The following USP31 variants were observed in gnomAD, a reference collection of about 807,000 sequenced individuals.
USP31 encodes the protein ubiquitin specific peptidase 31, also known as ubiquitin carboxyl-terminal hydrolase 31.
A neutral mutation model predicts 119.4 loss-of-function variants in USP31; 44 were observed. The ratio of observed to expected loss-of-function variants is 0.37; its 90% CI spans 0.29 to 0.47. The LOEUF is 0.47. Among genes scored for constraint, USP31 ranks in the 20% least tolerant of loss-of-function variants. The pLI, the probability that USP31 is intolerant of heterozygous loss-of-function variation, is 0.99. For synonymous variants in USP31, 749 were observed against 705.6 expected (o/e 1.06, Z -0.97); for missense variants, 1,643 against 1,730.2 (o/e 0.95, Z 0.89).
chr16:23,125,313 A>G (rs1902816627), intron 1 of USP31, among the ~76,000 whole-genome samples: 1 of 152,188 alleles, frequency 6.6e-6, no homozygotes, highest in South Asian at 2.1e-4. Context: ...ATAGGCTCAC[A>G]GATTTTCAAA....
At position 23,084,777 on chromosome 16, in the gene USP31, G is replaced by T. The variant is rs747985340; in HGVS notation, c.1830+83C>A. 5.1e-6 allele frequency: 8 copies of T among 1,563,916 alleles called. No homozygotes were observed. In the East Asian group the frequency reaches 1.6e-4, roughly 31 times the overall value. ...AAAATCCTGCGGCGACTTCTGGGGC[G>T]TGATTTGTTTCTCCACTATCACCTT... On this transcript the variant is annotated intron_variant, in intron 11 of 15. Coordinates refer to ENST00000219689, the MANE Select transcript of USP31 (RefSeq NM_020718.4).
chr16:23,142,098 CAAT>C (rs777019145), intron 1 of USP31, among the ~76,000 whole-genome samples: 12 of 152,292 alleles, frequency 7.9e-5, no homozygotes, highest in Non-Finnish European at 1.8e-4. Context: ...CCTAAACTAA[CAAT>C]AACTGTGCAG....
At chr16:23,095,679 A>C (rs565114204) in intron 6 of USP31, among the ~76,000 whole-genome samples, 1 of 152,278 alleles carries the variant, frequency 6.6e-6, no homozygotes, top group East Asian at 1.9e-4. Flanking sequence ...CCAGAAGAGA[A>C]TGGGGCCAAT....
intron 6 of USP31, among the ~76,000 whole-genome samples, chr16:23,099,847 TG>T (rs1309811204): frequency 6.6e-6 from 1 of 152,068 alleles, no homozygotes; most frequent in African/African-American, 2.4e-5. Context: ...AAGCAAACAA[TG>T]CAATTTTAAG....
chr16:23,100,434 C>T (rs949603375), intron 6 of USP31, among the ~76,000 whole-genome samples: 1 of 152,122 alleles, frequency 6.6e-6, no homozygotes, highest in East Asian at 1.9e-4. Context: ...TTTTATTATT[C>T]CATTTATATA....
intron 14 of USP31, 195 bp from the exon 15 acceptor site, chr16:23,072,392 A>C: frequency 1.4e-6 from 1 of 698,050 alleles, no homozygotes; most frequent in Admixed American, 2.4e-5. Context: ...AAAAGATGTA[A>C]GGCAGACTTC....
chr16:23,087,888 A>T, intron 7 of USP31, 53 bp from the exon 8 acceptor site: 1 of 1,453,044 alleles, frequency 6.9e-7, no homozygotes, highest in Non-Finnish European at 9.6e-7. Context: ...TTCCTTTAAC[A>T]CTGTTATCTT....
chr16:23,115,147 C>T (rs183509531), intron 1 of USP31, among the ~76,000 whole-genome samples: 56 of 152,284 alleles, frequency 3.7e-4, no homozygotes, highest in Non-Finnish European at 6.8e-4. Context: ...CTCCAAGAGT[C>T]CCGGAAAGTG....
At chr16:23,147,881 C>G (rs1211850165) in intron 1 of USP31, among the ~76,000 whole-genome samples, 2 of 152,046 alleles carry the variant, frequency 1.3e-5, no homozygotes, top group Non-Finnish European at 2.9e-5. Flanking sequence ...GAGTTTGAGG[C>G]TATGTGAGCA....
chr16:23,074,852 A>G (rs1900494394), intron 13 of USP31, among the ~76,000 whole-genome samples: 1 of 152,248 alleles, frequency 6.6e-6, no homozygotes, highest in African/African-American at 2.4e-5. Context: ...TATAAGCTTG[A>G]TCCAGAAAAG....
chr16:23,113,910 G>T (rs1185368118), intron 1 of USP31, among the ~76,000 whole-genome samples: 3 of 152,154 alleles, frequency 2.0e-5, no homozygotes, highest in Non-Finnish European at 2.9e-5. Flanking sequence ...TTCAATATCA[G>T]CCTGGCCAAC....
intron 12 of USP31, among the ~76,000 whole-genome samples, chr16:23,081,895 A>G (rs759159475): frequency 9.9e-5 from 15 of 152,226 alleles, no homozygotes; most frequent in Non-Finnish European, 1.8e-4. Context: ...TTTCAGATAC[A>G]AACTAAGAGC....
In USP31 at chr16:23,148,638, C is replaced by T; in HGVS notation, c.633G>A (p.Lys211=). The T allele has an allele frequency of 6.8e-7, 1 of 1,476,138 alleles. No homozygotes were observed. The highest frequency in any genetic ancestry group is 8.9e-7 in the Non-Finnish European group (1 of 1,119,672). The allele number at this position is 1,476,138 out of a possible 1,614,324, so 91.4% of individuals were successfully genotyped here. A position where few individuals can be genotyped will look rare whatever the true frequency, so the allele number is the denominator to read the frequency against. The change falls in exon 1 of 16, where the codon AAG becomes AAA. Residue 211 remains lysine, a splice_region_variant and synonymous_variant. Transcript: ENST00000219689. ...EYTPQHSRDF[K]TIVSKNALQY... ...GGGGCGCGGCGGCGCGCGGGCTCAC[C>T]TTGAAGTCGCGGCTGTGCTGCGGGG... is the stretch of plus-strand genomic sequence containing the variant.
At chr16:23,089,721 C>A (rs1025649640) in intron 7 of USP31, among the ~76,000 whole-genome samples, 6 of 152,152 alleles carry the variant, frequency 3.9e-5, no homozygotes, top group African/African-American at 1.4e-4. Context: ...GACAGAGTTA[C>A]TTTAAAAGAT....
intron 1 of USP31, among the ~76,000 whole-genome samples, chr16:23,125,129 T>G (rs975986516): frequency 6.6e-6 from 1 of 152,154 alleles, no homozygotes; most frequent in Admixed American, 6.5e-5. Flanking sequence ...TGGTTGGTTG[T>G]TCTTGCTAAA....
intron 1 of USP31, among the ~76,000 whole-genome samples, chr16:23,131,745 T>C (rs900647370): frequency 2.6e-5 from 4 of 152,164 alleles, no homozygotes; most frequent in Non-Finnish European, 4.4e-5. Flanking sequence ...TTGTAAATGA[T>C]ATGGCCCTAC....
At chr16:23,134,089 T>TCTCACA (rs1435847121) in intron 1 of USP31, among the ~76,000 whole-genome samples, 6 of 146,334 alleles carry the variant, frequency 4.1e-5, no homozygotes, top group African/African-American at 7.6e-5. Flanking sequence ...TCTCTCTCTC[T>TCTCACA]CACACACACA....
chr16:23,094,381 G>A (rs1384297360), intron 6 of USP31, among the ~76,000 whole-genome samples: 1 of 152,230 alleles, frequency 6.6e-6, no homozygotes, highest in Non-Finnish European at 1.5e-5. Flanking sequence ...AGCTCAGCAA[G>A]GCCTGCTGCC....
intron 15 of USP31, among the ~76,000 whole-genome samples, chr16:23,071,747 G>GAAA (rs11383816): frequency 1.2e-4 from 18 of 145,672 alleles, no homozygotes; most frequent in South Asian, 2.2e-4. Flanking sequence ...AACACTTTGG[G>GAAA]AAAAAAAAAA....
Sources: gnomAD v4.1 joint callset for allele counts (sites outside exome capture counted in the v4.1 genomes callset) on GRCh38, gnomAD v4.1.1 for gene constraint, MANE v1.5 for transcripts, NCBI Gene and HGNC (gene_info 2026-07-23, HGNC 2026-07-21) for gene names.